Variants in SPG7 observed in about 807,000 individuals in gnomAD.
The protein encoded by SPG7 is SPG7 matrix AAA peptidase subunit, paraplegin.
A neutral mutation model predicts 81.9 loss-of-function variants in SPG7; 103 were observed. That is an observed-to-expected ratio of 1.26 (90% CI 1.07 to 1.48). The LOEUF is 1.48. SPG7 is among the 40% of genes most tolerant of loss of function. SPG7 has a pLI of 0.00. For synonymous variants in SPG7, 534 were observed against 444.2 expected (o/e 1.20, Z -2.54); for missense variants, 1,241 against 1,087.3 (o/e 1.14, Z -1.99).
At position 89,526,322 on chromosome 16, in the gene SPG7, C is replaced by T; in HGVS notation, c.619-7C>T. 2 of 1,613,902 alleles carry T rather than the reference C, an allele frequency of 1.2e-6. No homozygotes were observed. The highest frequency in any genetic ancestry group is 2.2e-5 in the South Asian group (2 of 91,062). ...TCTCATGGTCCCCTCTCCTTTCTGCCCCCCAGCGGCTAGCCTTGATGTACC... is the reference window on the plus strand; with the variant it reads ...TCTCATGGTCCCCTCTCCTTTCTGCTCCCCAGCGGCTAGCCTTGATGTACC... On this transcript the variant is annotated splice_polypyrimidine_tract_variant and splice_region_variant and intron_variant, in intron 4 of 16. Coordinates refer to ENST00000645818, the MANE Select transcript of SPG7 (RefSeq NM_003119.4).
intron 2 of SPG7, among the ~76,000 whole-genome samples, chr16:89,512,253 C>A (rs2058033528): frequency 6.6e-6 from 1 of 151,504 alleles, no homozygotes; most frequent in Non-Finnish European, 1.5e-5. Flanking sequence ...TTTGAGACAG[C>A]TCTGTGTGAG....
chr16:89,511,920 T>C (rs2058028825), intron 2 of SPG7, among the ~76,000 whole-genome samples: 1 of 152,010 alleles, frequency 6.6e-6, no homozygotes, highest in Non-Finnish European at 1.5e-5. Context: ...TTGTTTATTA[T>C]TATTTTTTTG....
chr16:89,537,295 A>G, intron 9 of SPG7: 1 of 1,303,250 alleles, frequency 7.7e-7, no homozygotes, highest in African/African-American at 1.5e-5. Flanking sequence ...GCCCCCGGGA[A>G]GGGCGCAAGT....
At chr16:89,517,755 G>A (rs781526684) in intron 3 of SPG7, 4 of 152,260 alleles carry the variant, frequency 2.6e-5, no homozygotes, top group Admixed American at 6.5e-5. Context: ...GAGTAACTGG[G>A]ACTAAAGGTG....
At chr16:89,538,409 A>T (rs1266958212) in intron 9 of SPG7, 1 of 151,926 alleles carries the variant, frequency 6.6e-6, no homozygotes, top group Non-Finnish European at 1.5e-5. Flanking sequence ...AGCCTGGGGG[A>T]CGGATGGACA....
chr16:89,516,291 CG>C (rs1217672721), intron 3 of SPG7, among the ~76,000 whole-genome samples: 2 of 151,368 alleles, frequency 1.3e-5, no homozygotes, highest in African/African-American at 4.9e-5. Flanking sequence ...CCCGGCCGTT[CG>C]TTTTTTTAAT....
chr16:89,510,601 CTGTT>C lies in SPG7; in HGVS notation c.286+11_286+14del. 1 of 1,550,418 alleles carries C rather than the reference CTGTT, an allele frequency of 6.4e-7. No individual in the cohort carries two copies. The highest frequency in any genetic ancestry group is 8.9e-7 in the Non-Finnish European group (1 of 1,122,282). ...ACTCTGGCAACTTTTAGGTATGTAT[CTGTT>C]TAAAGAAGCAGCTGAGCATGACTGC... On this transcript the variant is annotated intron_variant, in intron 2 of 16. Transcript: ENST00000645818.
chr16:89,519,588 G>C (rs1372599366), intron 3 of SPG7: 2 of 120,660 alleles, frequency 1.7e-5, no homozygotes, highest in Non-Finnish European at 3.7e-5. Context: ...CTGCATGTTG[G>C]TCAGGCTTGT....
chr16:89,513,230 C>A (rs1165752402), intron 3 of SPG7, among the ~76,000 whole-genome samples, 193 bp downstream of exon 3: 1 of 152,146 alleles, frequency 6.6e-6, no homozygotes, highest in African/African-American at 2.4e-5. Flanking sequence ...CATAGCGAGA[C>A]CCTGTCTCAC....
chr16:89,526,680 G>A (rs549041981), intron 5 of SPG7: 8 of 537,556 alleles, frequency 1.5e-5, no homozygotes, highest in South Asian at 7.4e-5. Flanking sequence ...GCTGGTTCTC[G>A]GACTTCCCAA....
intron 3 of SPG7, among the ~76,000 whole-genome samples, chr16:89,513,557 T>C (rs192863532): frequency 2.6e-5 from 4 of 151,550 alleles, no homozygotes; most frequent in Non-Finnish European, 5.9e-5. Context: ...AAAGACCCTA[T>C]CTATACAGAA....
intron 10 of SPG7, chr16:89,545,500 T>G (rs2058551469): frequency 5.3e-6 from 1 of 187,460 alleles, no homozygotes; most frequent in African/African-American, 2.4e-5. Flanking sequence ...CAGAAGCCCT[T>G]CCCGCTGGGA....
chr16:89,534,806 C>T lies in SPG7; in HGVS notation c.1324+2170C>T, dbSNP rs1241758692. On this transcript the variant is annotated intron_variant, in intron 9 of 16. Transcript: ENST00000645818. Reference sequence around the variant, plus strand: ...TGGTCTGCAGGTTCGGACCAGGCCACGCTGTCCGTGACTGCCCCCCAGACC... The same window carrying T: ...TGGTCTGCAGGTTCGGACCAGGCCATGCTGTCCGTGACTGCCCCCCAGACC... Among the ~76,000 whole-genome samples the T allele has an allele frequency of 3.3e-5, 5 of 152,366 alleles. 1 individual carries two copies. Among genetic ancestry groups the T allele is most frequent in the Middle Eastern group, 6.8e-3 (2 of 294 alleles).
intron 3 of SPG7, chr16:89,519,388 T>C (rs1165714368): frequency 6.6e-6 from 1 of 151,858 alleles, no homozygotes; most frequent in African/African-American, 2.4e-5. Flanking sequence ...CATTTTTTTT[T>C]TCTTTTTTTG....
Position 89,553,959 on chromosome 16 carries a change from A to G in SPG7, c.2102A>G (p.His701Arg), listed in dbSNP as rs372180825. Residue 701 changes from histidine to arginine, a missense_variant and splice_region_variant, in exon 15 of 17, where the codon CAT (histidine) becomes CGT (arginine). His to Arg is a conservative substitution (Grantham distance 29). Transcript: ENST00000645818. ...CAAGGCCTGCAGCAGATGATGGACC[A>G]TGTGAGTCGGCTCTGGCCACACCGC... ...FSQGLQQMMD[H>R]EARLLVAKAY... 2.5e-6 allele frequency: 4 copies of G among 1,610,776 alleles called. No homozygotes were observed. The highest frequency in any genetic ancestry group is 3.3e-5 in the Admixed American group (2 of 60,008).
chr16:89,547,271 A>G (rs2058576096), intron 11 of SPG7: 1 of 192,240 alleles, frequency 5.2e-6, no homozygotes, highest in African/African-American at 2.3e-5. Flanking sequence ...TTTCACTAGA[A>G]TTTTGTGGTT....
chr16:89,550,237 A>G, intron 12 of SPG7: 1 of 430,386 alleles, frequency 2.3e-6, no homozygotes, highest in South Asian at 2.0e-5. Context: ...CAGTGGCATG[A>G]TCTTGCCCTA....
At chr16:89,532,146 G>C (rs2058352272) in intron 8 of SPG7, 80 bp downstream of exon 8, 1 of 1,451,798 alleles carries the variant, frequency 6.9e-7, no homozygotes, top group Non-Finnish European at 9.5e-7. Flanking sequence ...CTGGTGTCTG[G>C]ACTGAAAGGG....
chr16:89,529,334 C>G (rs2058309873), intron 5 of SPG7, 143 bp from the exon 6 acceptor site: 1 of 688,784 alleles, frequency 1.5e-6, no homozygotes, highest in South Asian at 1.5e-5. Context: ...TTTCCACAAC[C>G]ATTTTAATCT....
Sources: allele counts gnomAD v4.1 joint callset (sites outside exome capture counted in the v4.1 genomes callset), GRCh38; gene constraint gnomAD v4.1.1; transcripts MANE v1.5; gene names NCBI Gene and HGNC (gene_info 2026-07-23, HGNC 2026-07-21).